The following SEMA3A variants were observed in gnomAD, a reference collection of about 807,000 sequenced individuals.
The protein encoded by SEMA3A is semaphorin 3A.
Under a neutral mutation model 97.9 loss-of-function variants are expected in SEMA3A, and 29 were observed. The observed-to-expected ratio is 0.30, with a 90% CI of 0.22 to 0.40. SEMA3A has a LOEUF of 0.40. Ranked by LOEUF, SEMA3A falls within the 10% of genes least tolerant of loss-of-function variation. SEMA3A has a pLI of 1.00. For synonymous variants in SEMA3A, 321 were observed against 323.7 expected (o/e 0.99, Z 0.09); for missense variants, 763 against 951.3 (o/e 0.80, Z 2.60).
chr7:84,112,704 A>G (rs960390275), intron 3 of SEMA3A, among the ~76,000 whole-genome samples: 2 of 152,180 alleles, frequency 1.3e-5, no homozygotes, highest in East Asian at 3.8e-4. Context: ...AAACTAGCAG[A>G]TTGTAATTAA....
chr7:84,045,552 T>C (rs961088111), intron 6 of SEMA3A, among the ~76,000 whole-genome samples: 1 of 151,812 alleles, frequency 6.6e-6, no homozygotes, highest in Non-Finnish European at 1.5e-5. Flanking sequence ...TATAAAAGGA[T>C]TGCTTAGTTA....
At chr7:84,471,150 C>A (rs1806135314) in intron 1 of SEMA3A, among the ~76,000 whole-genome samples, 2 of 151,994 alleles carry the variant, frequency 1.3e-5, no homozygotes, top group South Asian at 4.1e-4. Context: ...TAAGTCATTT[C>A]CCCCCATCTT....
In SEMA3A at chr7:84,174,730, A is replaced by T. The variant is rs138368168; in HGVS notation, c.112+19745T>A. The stretch of plus-strand genomic sequence containing the variant: ...AAATAAAGAGATAGAACAAATGAAG[A>T]TATAAATTATAATTAGTATTCTTGT... On this transcript the variant is annotated intron_variant, in intron 1 of 16. Coordinates refer to ENST00000265362, the MANE Select transcript of SEMA3A (RefSeq NM_006080.3). Among the ~76,000 whole-genome samples, 290 of 152,310 alleles carry T rather than the reference A, an allele frequency of 1.9e-3. 3 individuals carry two copies. Among genetic ancestry groups the T allele is most frequent in the African/African-American group, 6.5e-3 (272 of 41,566 alleles).
At chr7:84,196,340 C>T (rs932208741), upstream of SEMA3A, among the ~76,000 whole-genome samples, 1 of 146,760 alleles carries the variant, frequency 6.8e-6, no homozygotes, top group African/African-American at 2.6e-5. Context: ...GCACAGCGCT[C>T]GCTCGCTCTG....
At chr7:84,409,097 A>G (rs1804190826) in intron 1 of SEMA3A, among the ~76,000 whole-genome samples, 1 of 149,714 alleles carries the variant, frequency 6.7e-6, no homozygotes, top group African/African-American at 2.4e-5. Flanking sequence ...AAAAAAAAAT[A>G]CAGTTAGAAG....
chr7:84,154,617 A>C (rs1276570798), intron 1 of SEMA3A, among the ~76,000 whole-genome samples: 1 of 150,326 alleles, frequency 6.7e-6, no homozygotes. Context: ...TGGAGGTTGC[A>C]GTGAGCCAAG....
intron 1 of SEMA3A, among the ~76,000 whole-genome samples, chr7:84,379,179 G>A (rs1278605878): frequency 1.3e-5 from 2 of 152,052 alleles, no homozygotes; most frequent in African/African-American, 4.8e-5. Flanking sequence ...CGCCTGCCTC[G>A]GCCTCCCAAA....
intron 1 of SEMA3A, among the ~76,000 whole-genome samples, chr7:84,379,627 T>C (rs1803203065): frequency 1.3e-5 from 2 of 151,808 alleles, no homozygotes; most frequent in Non-Finnish European, 2.9e-5. Context: ...TTTTGAAAAA[T>C]ATCCCCTAAA....
At chr7:84,230,007 C>T (rs933115771) in intron 3 of SEMA3A, among the ~76,000 whole-genome samples, 2 of 151,900 alleles carry the variant, frequency 1.3e-5, no homozygotes, top group African/African-American at 4.8e-5. Flanking sequence ...CAGTTCTCTT[C>T]AGTCAACAGA....
chr7:84,264,452 G>A (rs887219209), intron 3 of SEMA3A, among the ~76,000 whole-genome samples: 2 of 152,034 alleles, frequency 1.3e-5, no homozygotes, highest in African/African-American at 2.4e-5. Flanking sequence ...TTACTTCTGC[G>A]GTTTTTTTCT....
At chr7:84,385,084 C>T (rs917508420) in intron 1 of SEMA3A, among the ~76,000 whole-genome samples, 6 of 151,448 alleles carry the variant, frequency 4.0e-5, no homozygotes, top group Non-Finnish European at 8.8e-5. Flanking sequence ...CACACACACA[C>T]ACACACACAC....
intron 1 of SEMA3A, among the ~76,000 whole-genome samples, chr7:84,429,507 TAG>T (rs1232426532): frequency 9.6e-5 from 12 of 124,710 alleles, no homozygotes; most frequent in East Asian, 2.8e-4. Context: ...TAGTAAAATA[TAG>T]AGTTTGTTAT....
intron 5 of SEMA3A, among the ~76,000 whole-genome samples, chr7:84,054,953 G>A (rs181221530): frequency 0.013 from 2,034 of 150,798 alleles, 12 homozygotes; most frequent in East Asian, 0.027. Flanking sequence ...GTCTGTTGGA[G>A]TACCCTGCCA....
chr7:84,462,505 T>C (rs1457643262), intron 1 of SEMA3A, among the ~76,000 whole-genome samples: 1 of 152,174 alleles, frequency 6.6e-6, no homozygotes, highest in Non-Finnish European at 1.5e-5. Context: ...TTACAGACTC[T>C]TATTTTTGAA....
chr7:84,395,575 TGGAGATAATTGAATCATGGGG>T (rs892347532), intron 1 of SEMA3A, among the ~76,000 whole-genome samples: 6 of 149,556 alleles, frequency 4.0e-5, no homozygotes, highest in African/African-American at 1.0e-4. Context: ...GGGGACCAGG[TGGAGATAATTGAATCATGGGG>T]GGAGATAATT....
At chr7:84,012,218 T>A (rs1343073925) in intron 7 of SEMA3A, among the ~76,000 whole-genome samples, 2 of 152,168 alleles carry the variant, frequency 1.3e-5, no homozygotes, top group African/African-American at 4.8e-5. Flanking sequence ...AAAGAGTAGA[T>A]TTTAAGTCTT....
intron 12 of SEMA3A, among the ~76,000 whole-genome samples, chr7:83,986,968 TTTCA>T (rs1039119442): frequency 1.9e-5 from 2 of 103,950 alleles, no homozygotes; most frequent in African/African-American, 6.3e-5. Flanking sequence ...TCTCTCTCTC[TTTCA>T]CACACACACA....
rs916485391 is a variant in SEMA3A, at chr7:84,305,753, T to A, written c.-83+1454A>T. On this transcript the variant is annotated intron_variant, in intron 3 of 3. Transcript: ENST00000424555. ...CCTTTACTGGTGAACTGGGAAGCAA[T>A]TGTAACTGAAGGAGGAGAGGTTTAT... is the stretch of plus-strand genomic sequence containing the variant. Among the ~76,000 whole-genome samples, 3 of 152,064 alleles carry A rather than the reference T, an allele frequency of 2.0e-5. No individual in the cohort carries two copies. The East Asian group carries it at 5.8e-4, about 29-fold the overall frequency.
At chr7:84,252,033 A>G (rs1017475810) in intron 3 of SEMA3A, among the ~76,000 whole-genome samples, 18 of 152,310 alleles carry the variant, frequency 1.2e-4, no homozygotes, top group African/African-American at 3.1e-4. Flanking sequence ...AATTCCAAAA[A>G]AGTAATTCTA....
Sources: gnomAD v4.1 joint callset for allele counts (sites outside exome capture counted in the v4.1 genomes callset) on GRCh38, gnomAD v4.1.1 for gene constraint, MANE v1.5 for transcripts, NCBI Gene and HGNC (gene_info 2026-07-23, HGNC 2026-07-21) for gene names.